FCRL4: variants seen among roughly 807,000 people sequenced by gnomAD.
FCRL4 encodes Fc receptor like 4.
A neutral mutation model predicts 64.1 loss-of-function variants in FCRL4; 43 were observed. The observed-to-expected ratio is 0.67, with a 90% CI of 0.53 to 0.87. FCRL4 has a LOEUF of 0.87. Ranked by LOEUF, FCRL4 falls within the 40% of genes least tolerant of loss-of-function variation. The probability of loss-of-function intolerance (pLI) is 0.00; values close to 1 mark genes in which losing one functional copy is unlikely to be tolerated. For synonymous variants in FCRL4, 253 were observed against 239.8 expected (o/e 1.05, Z -0.51); for missense variants, 656 against 613.5 (o/e 1.07, Z -0.73).
At chr1:157,585,386 CTTT>C (rs1558155119) in intron 6 of FCRL4, among the ~76,000 whole-genome samples, 5 of 97,084 alleles carry the variant, frequency 5.2e-5, no homozygotes, top group East Asian at 2.5e-4. Context: ...TTCTTTCTTT[CTTT>C]CTTTCCTTCT....
intron 7 of FCRL4, 145 bp from the exon 8 acceptor site, chr1:157,580,493 G>GA: frequency 2.5e-6 from 2 of 808,576 alleles, no homozygotes; most frequent in Non-Finnish European, 2.1e-6. Context: ...AAAATGAGGT[G>GA]AAAAAAAGAT....
intron 6 of FCRL4, among the ~76,000 whole-genome samples, chr1:157,582,077 C>T (rs535097551): frequency 8.5e-5 from 13 of 152,238 alleles, no homozygotes; most frequent in Middle Eastern, 6.8e-3. Context: ...GAGATTGCTC[C>T]GCATTGGGAC....
chr1:157,575,473 G>A lies in FCRL4; in HGVS notation c.*51C>T. The A allele has an allele frequency of 2.1e-6, 3 of 1,423,538 alleles. No homozygotes were observed. Among genetic ancestry groups the A allele is most frequent in the Non-Finnish European group, 3.0e-6 (3 of 1,014,900 alleles). The allele number at this position is 1,423,538 out of a possible 1,614,324, so 88.2% of individuals were successfully genotyped here. ...AGGACTGCACTGGGCCTGGGACTTT[G>A]GACAAGGGAGAAATCACATGAGTAG... is the stretch of plus-strand genomic sequence containing the variant. On this transcript the variant is annotated 3_prime_UTR_variant, in exon 12 of 12. Coordinates refer to ENST00000271532, the MANE Select transcript of FCRL4 (RefSeq NM_031282.3).
rs536127914 is a variant in FCRL4, at chr1:157,574,898, G to T, written c.*626C>A. 9.5e-6 allele frequency: 2 copies of T among 211,394 alleles called. No homozygotes were observed. The highest frequency in any genetic ancestry group is 3.7e-4 in the South Asian group (2 of 5,350). 13.1% of individuals were successfully genotyped at this position (211,394 alleles called of 1,614,324 possible). On this transcript the variant is annotated 3_prime_UTR_variant, in exon 12 of 12. Transcript: ENST00000271532. ...ATAATTATCATTTGCTTTTGGAAGCGCAGCCTAGAGCTTGCATCTCCAGCT... is the reference window on the plus strand; with the variant it reads ...ATAATTATCATTTGCTTTTGGAAGCTCAGCCTAGAGCTTGCATCTCCAGCT...
chr1:157,592,461 T>C (rs1212289553), intron 2 of FCRL4, among the ~76,000 whole-genome samples: 2 of 151,894 alleles, frequency 1.3e-5, no homozygotes, highest in African/African-American at 4.8e-5. Flanking sequence ...AAGACATTTA[T>C]GTAGCCAACA....
Position 157,588,051 on chromosome 1 carries a change from T to A in FCRL4, c.376A>T (p.Arg126Ter). Residue 126 changes from arginine to a stop codon, truncating the protein, a stop_gained, in exon 4 of 12, where the codon AGA (arginine) becomes TGA (stop). Coordinates refer to ENST00000271532, the MANE Select transcript of FCRL4 (RefSeq NM_031282.3). LOFTEE classifies it high-confidence loss of function. ...GDTLVLRCHRRRKEKLTAVKY... is the reference protein window; with the variant it reads ...GDTLVLRCHR Reference sequence around the variant, plus strand: ...ACAGCAGTCAATTTCTCTTTCCTTCTTCTGTGGCATCTCAGAACCAATGTG... The same window carrying A: ...ACAGCAGTCAATTTCTCTTTCCTTCATCTGTGGCATCTCAGAACCAATGTG... 6.2e-7 allele frequency: 1 copy of A among 1,613,674 alleles called. No individual in the cohort carries two copies. The highest frequency in any genetic ancestry group is 8.5e-7 in the Non-Finnish European group (1 of 1,179,816).
chr1:157,593,463 G>A (rs899992914), intron 2 of FCRL4, among the ~76,000 whole-genome samples: 2 of 152,108 alleles, frequency 1.3e-5, no homozygotes, highest in Non-Finnish European at 2.9e-5. Context: ...AGGTTGTCTC[G>A]CCAGTTACCA....
rs77732101 is a variant in FCRL4, at chr1:157,589,167, A to G, written c.307+37T>C. Reference sequence around the variant, plus strand: ...CAGGGAGCTAAGATAAACTGATACCATTTATAAAGTTTCAACTAATTCACC... The same window carrying G: ...CAGGGAGCTAAGATAAACTGATACCGTTTATAAAGTTTCAACTAATTCACC... On this transcript the variant is annotated intron_variant, in intron 3 of 11. Transcript: ENST00000271532. The G allele has an allele frequency of 1.3e-3, 2,140 of 1,601,706 alleles. 20 individuals carry two copies. In the African/African-American group the frequency reaches 0.021, roughly 16 times the overall value.
chr1:157,585,708 A>G (rs991686431), intron 6 of FCRL4, among the ~76,000 whole-genome samples: 8 of 152,140 alleles, frequency 5.3e-5, no homozygotes, highest in African/African-American at 1.9e-4. Context: ...TCAGGATTCT[A>G]TTATAGTAAT....
At chr1:157,586,993 C>T (rs2101682418) in intron 5 of FCRL4, among the ~76,000 whole-genome samples, 1 of 152,176 alleles carries the variant, frequency 6.6e-6, no homozygotes, top group Non-Finnish European at 1.5e-5. Context: ...TAGCAGGGCA[C>T]CTCATTTTCT....
intron 1 of FCRL4, 40 bp from the exon 2 acceptor site, chr1:157,596,388 G>GTCCTACGA: frequency 6.2e-7 from 1 of 1,613,268 alleles, no homozygotes; most frequent in Non-Finnish European, 8.5e-7. Context: ...CGTAGGCGAA[G>GTCCTACGA]AGTCCCGAAC....
chr1:157,586,242 G>A lies in FCRL4; in HGVS notation c.1061C>T (p.Ala354Val), dbSNP rs749352477. 1 of 1,614,026 alleles carries A rather than the reference G, an allele frequency of 6.2e-7. No homozygotes were observed. The highest frequency in any genetic ancestry group is 1.3e-5 in the African/African-American group (1 of 74,924). ...LELPAIRQSH[A>V]GGYYCTADNS... The stretch of plus-strand genomic sequence containing the variant: ...GTCTGCTGTACAGTAGTATCCCCCT[G>A]CATGGCTCTGTCTGATGGCAGGGAG... Residue 354 changes from alanine to valine, a missense_variant, in exon 6 of 12, where the codon GCA (alanine) becomes GTA (valine). Coordinates refer to ENST00000271532, the MANE Select transcript of FCRL4 (RefSeq NM_031282.3).
intron 2 of FCRL4, among the ~76,000 whole-genome samples, chr1:157,595,807 C>A (rs1046066661): frequency 2.6e-5 from 4 of 152,100 alleles, no homozygotes; most frequent in African/African-American, 9.7e-5. Context: ...AGGCAGCTGC[C>A]TATAGAGGAT....
rs545978514 is a variant in FCRL4, at chr1:157,586,390, T to C, written c.913A>G (p.Met305Val). Residue 305 changes from methionine to valine, a missense_variant, in exon 6 of 12, where the codon ATG becomes GTG. Physicochemically the swap from Met to Val is conservative, Grantham distance 21. Transcript: ENST00000271532. ...PSGGQAVEGE[M>V]LVLVCSVAEG... ...GCCACGGAGCAGACAAGGACCAGCA[T>C]CTCCCCTTCAACAGCCTGGCCCCCT... 6.2e-7 allele frequency: 1 copy of C among 1,613,066 alleles called. No individual in the cohort carries two copies. Among genetic ancestry groups the C allele is most frequent in the African/African-American group, 1.3e-5 (1 of 74,978 alleles).
rs765173119 is a variant in FCRL4, at chr1:157,589,393, C to T, written c.118G>A (p.Val40Met). 1.2e-6 allele frequency: 2 copies of T among 1,614,174 alleles called. No individual in the cohort carries two copies. Among genetic ancestry groups the T allele is most frequent in the South Asian group, 1.1e-5 (1 of 91,080 alleles). ...TGAAATCCATTGCAAGTCAGAGTCA[C>T]TCTCTCTCCTTTGAAGAATGTGGTC... ...PWTTFFKGER[V>M]TLTCNGFQFY... Residue 40 changes from valine (V) to methionine (M), a missense_variant, in exon 3 of 12, where the codon GTG becomes ATG. Transcript: ENST00000271532.
intron 8 of FCRL4, 130 bp downstream of exon 8, chr1:157,580,191 G>A (rs190415294): frequency 5.5e-5 from 53 of 958,352 alleles, no homozygotes; most frequent in Admixed American, 1.7e-4. Context: ...ACAAATTCAT[G>A]GAGTGTGAAA....
intron 8 of FCRL4, among the ~76,000 whole-genome samples, chr1:157,580,096 G>T (rs190720857): frequency 1.3e-5 from 2 of 152,284 alleles, no homozygotes; most frequent in Admixed American, 1.3e-4. Flanking sequence ...AGATGAGTAG[G>T]TTAAGATCAA....
chr1:157,596,227 A>T, intron 2 of FCRL4, 101 bp downstream of exon 2: 1 of 1,331,016 alleles, frequency 7.5e-7, no homozygotes, highest in Middle Eastern at 2.0e-4. Flanking sequence ...CACTCAGGAA[A>T]AGGATGAAAT....
intron 3 of FCRL4, 129 bp from the exon 4 acceptor site, chr1:157,588,248 G>A (rs886842693): frequency 2.8e-5 from 30 of 1,064,388 alleles, no homozygotes; most frequent in African/African-American, 1.8e-4. Flanking sequence ...CCAAGCTCAC[G>A]AAACTCCTCC....
Sources: gnomAD v4.1 joint callset for allele counts (sites outside exome capture counted in the v4.1 genomes callset) on GRCh38, gnomAD v4.1.1 for gene constraint, MANE v1.5 for transcripts, NCBI Gene and HGNC (gene_info 2026-07-23, HGNC 2026-07-21) for gene names.